The following CSMD3 variants were observed in gnomAD, a reference collection of about 807,000 sequenced individuals.
CSMD3 encodes CUB and sushi domain-containing protein 3.
A neutral mutation model predicts 435.2 loss-of-function variants in CSMD3; 177 were observed. The observed-to-expected ratio is 0.41, with a 90% CI of 0.36 to 0.46. The LOEUF is 0.46. CSMD3 is among the 20% of genes least tolerant of loss of function. CSMD3 has a pLI of 0.34. For missense variants in CSMD3, 4,265 were observed against 4,504.6 expected (o/e 0.95, Z 1.52); for synonymous variants, 1,656 against 1,520.5 (o/e 1.09, Z -2.07).
chr8:112,867,873 T>C (rs1420905663), intron 10 of CSMD3, among the ~76,000 whole-genome samples: 1 of 152,116 alleles, frequency 6.6e-6, no homozygotes, highest in Admixed American at 6.6e-5. Flanking sequence ...TAAATTGTTT[T>C]TTAAAAATTG....
chr8:113,221,660 A>G (rs1382103106), intron 3 of CSMD3, among the ~76,000 whole-genome samples: 1 of 151,232 alleles, frequency 6.6e-6, no homozygotes. Flanking sequence ...TTTAGCAAGC[A>G]AAATACTCAC....
chr8:112,660,046 G>GT (rs1295048644), intron 17 of CSMD3, among the ~76,000 whole-genome samples: 1 of 152,060 alleles, frequency 6.6e-6, no homozygotes, highest in African/African-American at 2.4e-5. Context: ...GTAGTGGAAA[G>GT]TAAGTGACAT....
intron 32 of CSMD3, among the ~76,000 whole-genome samples, chr8:112,443,145 G>A (rs1815222840): frequency 6.6e-6 from 1 of 152,176 alleles, no homozygotes; most frequent in South Asian, 2.1e-4. Flanking sequence ...AAAGTGCAAA[G>A]TGGAGTGTTT....
chr8:113,141,701 T>C (rs1020248700), intron 4 of CSMD3, among the ~76,000 whole-genome samples: 1 of 150,954 alleles, frequency 6.6e-6, no homozygotes, highest in Admixed American at 6.6e-5. Flanking sequence ...ACAAAGAACA[T>C]TAACAAATAA....
intron 13 of CSMD3, among the ~76,000 whole-genome samples, chr8:112,702,080 T>A: frequency 6.6e-6 from 1 of 152,300 alleles, no homozygotes; most frequent in Non-Finnish European, 1.5e-5. Context: ...TATTTATTTT[T>A]ATTTATTTTT....
chr8:112,869,058 G>C (rs995823136), intron 10 of CSMD3, among the ~76,000 whole-genome samples: 1 of 152,106 alleles, frequency 6.6e-6, no homozygotes, highest in South Asian at 2.1e-4. Flanking sequence ...TGGGGATTTT[G>C]GTGGATTCAT....
chr8:112,921,905 T>C (rs1467560230), intron 9 of CSMD3, among the ~76,000 whole-genome samples, 154 bp from the exon 10 acceptor site: 2 of 152,070 alleles, frequency 1.3e-5, no homozygotes, highest in East Asian at 1.9e-4. Flanking sequence ...CTTGTAGAAA[T>C]GTAAAGCTAT....
intron 13 of CSMD3, among the ~76,000 whole-genome samples, chr8:112,705,817 T>G (rs1437969238): frequency 6.6e-6 from 1 of 152,134 alleles, no homozygotes; most frequent in Non-Finnish European, 1.5e-5. Flanking sequence ...AACTCTGAGA[T>G]GATTTCAAAA....
intron 30 of CSMD3, among the ~76,000 whole-genome samples, chr8:112,500,777 T>C (rs1468896334): frequency 6.6e-6 from 1 of 152,108 alleles, no homozygotes; most frequent in Non-Finnish European, 1.5e-5. Context: ...GTTGTGCCCA[T>C]AGGAAAAGGC....
chr8:112,984,048 T>G (rs902450626), intron 6 of CSMD3, among the ~76,000 whole-genome samples: 29 of 151,886 alleles, frequency 1.9e-4, no homozygotes, highest in Non-Finnish European at 1.0e-4. Context: ...AATTTTGGCT[T>G]AGAAAAAAAT....
intron 32 of CSMD3, among the ~76,000 whole-genome samples, chr8:112,427,111 T>A (rs148250730): frequency 5.2e-4 from 79 of 152,312 alleles, no homozygotes; most frequent in East Asian, 5.0e-3. Flanking sequence ...TTAGTTCAGT[T>A]CACTTGTGAT....
At chr8:112,638,675 T>G (rs1252107691) in intron 21 of CSMD3, 21 bp downstream of exon 21, 1 of 1,439,604 alleles carries the variant, frequency 6.9e-7, no homozygotes, top group Non-Finnish European at 9.8e-7. Context: ...GAATGAGCCC[T>G]TTTGTTTTTT....
At chr8:113,310,788 A>G (rs1304409475) in intron 2 of CSMD3, 1 of 151,892 alleles carries the variant, frequency 6.6e-6, no homozygotes, top group East Asian at 1.9e-4. Context: ...GAACCAATCT[A>G]AAATATAGAA....
intron 24 of CSMD3, among the ~76,000 whole-genome samples, chr8:112,569,795 G>C (rs1328255948): frequency 1.3e-5 from 2 of 152,068 alleles, no homozygotes; most frequent in Non-Finnish European, 2.9e-5. Context: ...CCTAATCTCT[G>C]TGTCTTTCCT....
At chr8:112,498,212 A>G (rs1821570920) in intron 30 of CSMD3, among the ~76,000 whole-genome samples, 1 of 152,052 alleles carries the variant, frequency 6.6e-6, no homozygotes, top group African/African-American at 2.4e-5. Flanking sequence ...GCTGTTCTGT[A>G]ATGTTTTTAT....
chr8:112,888,015 C>A (rs1179057468), intron 10 of CSMD3, among the ~76,000 whole-genome samples: 1 of 151,540 alleles, frequency 6.6e-6, no homozygotes, highest in Non-Finnish European at 1.5e-5. Context: ...ACATATATAA[C>A]CATAGAACAG....
chr8:112,849,525 C>CAAAGTAAAGG (rs2080424801), intron 11 of CSMD3, among the ~76,000 whole-genome samples: 2 of 152,018 alleles, frequency 1.3e-5, no homozygotes, highest in East Asian at 3.9e-4. Flanking sequence ...GTAGCCAACA[C>CAAAGTAAAGG]TAGCATGTGT....
chr8:112,522,276 A>C (rs966661260), intron 27 of CSMD3, among the ~76,000 whole-genome samples: 2 of 151,914 alleles, frequency 1.3e-5, no homozygotes, highest in Non-Finnish European at 2.9e-5. Context: ...ACGTAGAAGA[A>C]ACAATTTTTC....
chr8:113,338,781 T>C (rs961127422), intron 1 of CSMD3, among the ~76,000 whole-genome samples: 3 of 152,062 alleles, frequency 2.0e-5, no homozygotes, highest in Admixed American at 1.3e-4. Flanking sequence ...TTTAGAATAA[T>C]GTTCTTAAAC....
Sources: allele counts gnomAD v4.1 joint callset (sites outside exome capture counted in the v4.1 genomes callset), GRCh38; gene constraint gnomAD v4.1.1; transcripts MANE v1.5; gene names NCBI Gene and HGNC (gene_info 2026-07-23, HGNC 2026-07-21).